Variants in MXI1 observed in about 807,000 individuals in gnomAD.
MXI1 encodes MAX interactor 1, dimerization protein, also known as max-interacting protein 1.
MXI1 carries 18 observed loss-of-function variants against 36.9 expected under a neutral mutation model. That is an observed-to-expected ratio of 0.49 (90% confidence interval 0.34 to 0.72). MXI1 has a LOEUF of 0.72. MXI1 is among the 30% of genes least tolerant of loss of function. The pLI, the probability that MXI1 is intolerant of heterozygous loss-of-function variation, is 0.01. For synonymous variants in MXI1, 160 were observed against 146.7 expected, an observed-to-expected ratio of 1.09 and a Z score of -0.65; for missense variants, 304 against 379.1, an observed-to-expected ratio of 0.80 and a Z score of 1.64.
At chr10:110,217,622 T>C (rs949639091) in intron 1 of MXI1, among the ~76,000 whole-genome samples, 2 of 152,208 alleles carry the variant, frequency 1.3e-5, no homozygotes, top group East Asian at 3.9e-4. Flanking sequence ...CTGCCAGTGG[T>C]ACTGAGCTAA....
intron 3 of MXI1, among the ~76,000 whole-genome samples, chr10:110,251,477 C>T (rs1005060850): frequency 1.4e-4 from 21 of 151,750 alleles, no homozygotes; most frequent in African/African-American, 5.1e-4. Context: ...GTTAAGTTAC[C>T]AGTAAATGTC....
chr10:110,258,281 A>G (rs959989689), intron 3 of MXI1, among the ~76,000 whole-genome samples: 1 of 152,160 alleles, frequency 6.6e-6, no homozygotes, highest in African/African-American at 2.4e-5. Flanking sequence ...AATTATTGCA[A>G]AAGTCCTGAA....
At chr10:110,213,864 G>C (rs1053252145) in intron 1 of MXI1, among the ~76,000 whole-genome samples, 4 of 152,234 alleles carry the variant, frequency 2.6e-5, no homozygotes, top group African/African-American at 9.6e-5. Flanking sequence ...GAGGGTGCTG[G>C]CGTGCAGCAG....
At chr10:110,251,010 TAAAAAAAAA>T (rs60315131) in intron 3 of MXI1, among the ~76,000 whole-genome samples, 28 of 54,978 alleles carry the variant, frequency 5.1e-4, no homozygotes, top group Admixed American at 2.3e-3. Flanking sequence ...AAGTATTTGT[TAAAAAAAAA>T]AAAAAAAAAA....
In MXI1 at chr10:110,227,425, G is replaced by T. The variant is rs182344202; in HGVS notation, c.275-764G>T. ...TGCGAGGGTGCGCACGGAGGGTGGG[G>T]CTGTGGGTGTGCGGCGAGCGGGAAG... On this transcript the variant is annotated intron_variant, in intron 1 of 5. Transcript: ENST00000332674. The T allele has an allele frequency of 4.6e-4, 453 of 989,840 alleles. No homozygotes were observed. The African/African-American group carries it at 7.5e-3, about 16-fold the overall frequency. The allele number at this position is 989,840 out of a possible 1,614,324, so 61.3% of individuals were successfully genotyped here.
At chr10:110,263,682 A>G (rs185501133) in intron 3 of MXI1, among the ~76,000 whole-genome samples, 6 of 152,220 alleles carry the variant, frequency 3.9e-5, no homozygotes, top group South Asian at 2.1e-4. Context: ...ATAATTTGAT[A>G]TAGCATCTTT....
chr10:110,259,758 A>G (rs946614141), intron 3 of MXI1, among the ~76,000 whole-genome samples: 10 of 151,942 alleles, frequency 6.6e-5, no homozygotes. Flanking sequence ...ATCTTTTTCT[A>G]CTTATTCTAG....
intron 2 of MXI1, among the ~76,000 whole-genome samples, chr10:110,235,585 G>T (rs1356423288): frequency 3.3e-5 from 5 of 151,866 alleles, no homozygotes; most frequent in Non-Finnish European, 2.9e-5. Flanking sequence ...CTACTCGGGA[G>T]GCTGAGGCAG....
In MXI1 at chr10:110,286,563, G is replaced by A. The variant is rs1857429897; in HGVS notation, c.*1576G>A. The A allele has an allele frequency of 6.6e-6, 1 of 151,224 alleles. No individual in the cohort carries two copies. 9.4% of individuals were successfully genotyped at this position (151,224 alleles called of 1,614,324 possible). A position where few individuals can be genotyped will look rare whatever the true frequency, so the allele number is the denominator to read the frequency against. On this transcript the variant is annotated 3_prime_UTR_variant, in exon 6 of 6. Coordinates refer to ENST00000332674, the MANE Select transcript of MXI1 (RefSeq NM_130439.3). The stretch of plus-strand genomic sequence containing the variant: ...TTAATGGATTGTTAATTTCAGTCCT[G>A]TAGTTTTATTTTATGTTTAGATAGG...
At chr10:110,268,294 C>T (rs1856747314) in intron 3 of MXI1, among the ~76,000 whole-genome samples, 1 of 152,148 alleles carries the variant, frequency 6.6e-6, no homozygotes. Context: ...CCTTAGAAAA[C>T]TGTAATGGTA....
chr10:110,280,432 G>T (rs932490777), intron 5 of MXI1, among the ~76,000 whole-genome samples: 7 of 152,004 alleles, frequency 4.6e-5, no homozygotes, highest in Admixed American at 4.6e-4. Flanking sequence ...TGTAATCCCA[G>T]CACTCTGGGA....
intron 3 of MXI1, among the ~76,000 whole-genome samples, chr10:110,264,963 G>A (rs891053542): frequency 1.6e-4 from 24 of 152,036 alleles, no homozygotes; most frequent in African/African-American, 4.8e-4. Flanking sequence ...GGTGGTCCTC[G>A]ATGGAGAAAT....
chr10:110,213,726 G>A (rs929085308), intron 1 of MXI1, among the ~76,000 whole-genome samples: 16 of 152,186 alleles, frequency 1.1e-4, no homozygotes, highest in African/African-American at 3.9e-4. Context: ...AGCTACCAAG[G>A]CAAAACAGTA....
intron 3 of MXI1, among the ~76,000 whole-genome samples, chr10:110,248,502 G>A (rs1855955314): frequency 6.6e-6 from 1 of 152,070 alleles, no homozygotes; most frequent in Non-Finnish European, 1.5e-5. Flanking sequence ...ATCTAGCTGT[G>A]GCATAGGTAT....
intron 1 of MXI1, among the ~76,000 whole-genome samples, chr10:110,209,505 A>G (rs1461288163): frequency 6.6e-6 from 1 of 152,228 alleles, no homozygotes; most frequent in African/African-American, 2.4e-5. Context: ...AATTGTGCAG[A>G]CGCTGTAAGG....
At position 110,286,172 on chromosome 10, in the gene MXI1, T is replaced by C. The variant is rs1857421748; in HGVS notation, c.*1185T>C. ...TCTGATATCTATAGTAGACACACTATCATAGTTAACATAGTAAGTTCAGCA... is the reference window on the plus strand; with the variant it reads ...TCTGATATCTATAGTAGACACACTACCATAGTTAACATAGTAAGTTCAGCA... On this transcript the variant is annotated 3_prime_UTR_variant, in exon 6 of 6. Transcript: ENST00000332674. 3.4e-5 allele frequency: 2 copies of C among 58,316 alleles called. No individual in the cohort carries two copies. Among genetic ancestry groups the C allele is most frequent in the Non-Finnish European group, 4.0e-5 (1 of 25,204 alleles). 3.6% of individuals were successfully genotyped at this position (58,316 alleles called of 1,614,324 possible). A position where few individuals can be genotyped will look rare whatever the true frequency, so the allele number is the denominator to read the frequency against.
chr10:110,218,311 G>A (rs897077168), intron 1 of MXI1, among the ~76,000 whole-genome samples: 2 of 152,064 alleles, frequency 1.3e-5, no homozygotes, highest in East Asian at 1.9e-4. Context: ...TTAGCCGGGC[G>A]TGGTGGCGGG....
intron 2 of MXI1, among the ~76,000 whole-genome samples, chr10:110,236,910 TTAATAGACATGGTA>T (rs1287193410): frequency 2.0e-5 from 3 of 152,244 alleles, no homozygotes; most frequent in Middle Eastern, 3.2e-3. Context: ...TTAACATGAA[TTAATAGACATGGTA>T]TGTCTATTAC....
chr10:110,253,635 C>T (rs781132487), intron 3 of MXI1, among the ~76,000 whole-genome samples: 1 of 151,990 alleles, frequency 6.6e-6, no homozygotes, highest in Non-Finnish European at 1.5e-5. Context: ...TATTTGCTTG[C>T]ATTAAAGTCA....
Sources: allele counts gnomAD v4.1 joint callset (sites outside exome capture counted in the v4.1 genomes callset), GRCh38; gene constraint gnomAD v4.1.1; transcripts MANE v1.5; gene names NCBI Gene and HGNC (gene_info 2026-07-23, HGNC 2026-07-21).